Variants in FERRY3 observed in about 807,000 individuals in gnomAD.
FERRY3 encodes FERRY endosomal RAB5 effector complex subunit 3, also known as protein C12orf4.
At chr12:4,521,306 C>T in the FERRY3 span, among the ~76,000 whole-genome samples, 1 of 151,988 alleles carries the variant, frequency 6.6e-6, no homozygotes, top group Non-Finnish European at 1.5e-5. Context: ...TTGCAATGAG[C>T]CAAGATCGCG....
the FERRY3 span, among the ~76,000 whole-genome samples, chr12:4,534,771 G>A: frequency 6.6e-6 from 1 of 152,132 alleles, no homozygotes; most frequent in East Asian, 1.9e-4. Context: ...CAGCTTAGGG[G>A]ATCATTTAAC....
At chr12:4,514,170 A>T in the FERRY3 span, among the ~76,000 whole-genome samples, 1 of 151,654 alleles carries the variant, frequency 6.6e-6, no homozygotes, top group African/African-American at 2.4e-5. Flanking sequence ...GCCATCAGAG[A>T]AATGCAAATC....
chr12:4,525,209 T>C, the FERRY3 span: 2 of 1,581,174 alleles, frequency 1.3e-6, no homozygotes, highest in Admixed American at 3.6e-5. Flanking sequence ...TAAACATTAC[T>C]AACAATGGAC....
the FERRY3 span, among the ~76,000 whole-genome samples, chr12:4,508,043 T>C: frequency 6.6e-6 from 1 of 152,156 alleles, no homozygotes. Flanking sequence ...TAAAAACATA[T>C]AAACTATTTT....
At chr12:4,516,972 C>A in the FERRY3 span, 3 of 1,121,296 alleles carry the variant, frequency 2.7e-6, no homozygotes, top group Non-Finnish European at 3.5e-6. Flanking sequence ...TATCTTCCAC[C>A]AACATAATTT....
the FERRY3 span, among the ~76,000 whole-genome samples, chr12:4,503,270 G>A: frequency 6.6e-6 from 1 of 152,152 alleles, no homozygotes; most frequent in Admixed American, 6.5e-5. Context: ...AGTAGAAAAA[G>A]GACCAGATTG....
the FERRY3 span, among the ~76,000 whole-genome samples, chr12:4,520,327 G>A: frequency 6.6e-6 from 1 of 152,192 alleles, no homozygotes; most frequent in Non-Finnish European, 1.5e-5. Context: ...TGACCAAACC[G>A]GGAGTGGACA....
chr12:4,538,062 G>A, the FERRY3 span, among the ~76,000 whole-genome samples: 5,483 of 151,648 alleles, frequency 0.036, 328 homozygotes, highest in African/African-American at 0.12. Flanking sequence ...AAAAAAAAAA[G>A]AGAAGGCAGA....
the FERRY3 span, among the ~76,000 whole-genome samples, chr12:4,498,738 G>T: frequency 6.6e-6 from 1 of 152,174 alleles, no homozygotes; most frequent in Non-Finnish European, 1.5e-5. Flanking sequence ...TGGAGTTGGG[G>T]GTGAGGGTGG....
At chr12:4,489,971 T>C in the FERRY3 span, 1 of 1,025,468 alleles carries the variant, frequency 9.8e-7, no homozygotes, top group Non-Finnish European at 1.5e-6. Context: ...TAGAAGTATT[T>C]TAAAATATGG....
chr12:4,500,032 C>A, the FERRY3 span: 1 of 1,091,046 alleles, frequency 9.2e-7, no homozygotes, highest in Non-Finnish European at 1.3e-6. Context: ...TGCAAAAATC[C>A]ATTAGTTTAA....
chr12:4,500,431 A>G, the FERRY3 span: 47 of 1,150,260 alleles, frequency 4.1e-5, no homozygotes, highest in South Asian at 1.2e-4. Context: ...TGGGCAATCA[A>G]TGTGTTGAAC....
chr12:4,518,687 T>C, the FERRY3 span: 1 of 854,886 alleles, frequency 1.2e-6, no homozygotes, highest in Non-Finnish European at 1.7e-6. Context: ...GCGAAACCTT[T>C]TCTCTATTAT....
the FERRY3 span, among the ~76,000 whole-genome samples, chr12:4,493,045 G>A: frequency 3.3e-5 from 5 of 152,002 alleles, no homozygotes; most frequent in Non-Finnish European, 5.9e-5. Flanking sequence ...GCCCTTCTCG[G>A]TAATTCCATC....
chr12:4,528,937 AC>A, the FERRY3 span, among the ~76,000 whole-genome samples: 179 of 125,698 alleles, frequency 1.4e-3, 1 homozygote, highest in African/African-American at 4.7e-3. Flanking sequence ...ACACACACAC[AC>A]AAACAAAAGT....
chr12:4,496,031 G>A, the FERRY3 span, among the ~76,000 whole-genome samples: 2 of 152,186 alleles, frequency 1.3e-5, no homozygotes, highest in African/African-American at 4.8e-5. Flanking sequence ...ATGACTCTAA[G>A]AGGAAACTAG....
the FERRY3 span, chr12:4,500,233 C>T: frequency 6.2e-7 from 1 of 1,613,906 alleles, no homozygotes; most frequent in South Asian, 1.1e-5. Flanking sequence ...CCCATAATGG[C>T]AGGATCACGA....
chr12:4,503,486 A>G, the FERRY3 span, among the ~76,000 whole-genome samples: 1 of 152,082 alleles, frequency 6.6e-6, no homozygotes, highest in Non-Finnish European at 1.5e-5. Context: ...TTACAAGTAT[A>G]TAAATAAAAC....
At chr12:4,527,254 GAC>G in the FERRY3 span, among the ~76,000 whole-genome samples, 1 of 151,638 alleles carries the variant, frequency 6.6e-6, no homozygotes. Flanking sequence ...TGAAGAAAAA[GAC>G]AGACAGAAAT....
Sources: allele counts gnomAD v4.1 joint callset (sites outside exome capture counted in the v4.1 genomes callset), GRCh38; gene constraint gnomAD v4.1.1; transcripts MANE v1.5; gene names NCBI Gene and HGNC (gene_info 2026-07-23, HGNC 2026-07-21).